The following ANO9 variants were observed in gnomAD, a reference collection of about 807,000 sequenced individuals.
ANO9 encodes anoctamin 9.
A neutral mutation model predicts 100.5 loss-of-function variants in ANO9; 80 were observed. That is an observed-to-expected ratio of 0.80 (90% CI 0.66 to 0.96). The LOEUF (loss-of-function observed/expected upper bound fraction) is 0.96, where lower values mean the gene tolerates loss of function less well. Among genes scored for constraint, ANO9 ranks in the 40% least tolerant of loss-of-function variants. ANO9 has a pLI of 0.00. For missense variants in ANO9, 1,064 were observed against 1,072.7 expected (o/e 0.99, Z 0.11); for synonymous variants, 473 against 435.6 (o/e 1.09, Z -1.07).
intron 15 of ANO9, among the ~76,000 whole-genome samples, chr11:426,216 G>A (rs953031138): frequency 5.9e-5 from 9 of 152,132 alleles, no homozygotes; most frequent in Non-Finnish European, 7.4e-5. Flanking sequence ...TTAAAATGGC[G>A]ACTGCAGGTG....
chr11:438,611 G>A (rs188272071), intron 1 of ANO9, among the ~76,000 whole-genome samples: 203 of 147,326 alleles, frequency 1.4e-3, no homozygotes, highest in African/African-American at 5.0e-3. Context: ...TGTTTACGGA[G>A]CCACACCCAC....
intron 20 of ANO9, 171 bp downstream of exon 20, chr11:419,411 C>T: frequency 7.0e-7 from 1 of 1,427,472 alleles, no homozygotes; most frequent in Non-Finnish European, 9.1e-7. Flanking sequence ...AGCCCAGGGC[C>T]TGCCGTCAGT....
chr11:431,713 G>A lies in ANO9; in HGVS notation c.520C>T (p.Gln174Ter). Residue 174 changes from glutamine to a stop codon, truncating the protein, a stop_gained, in exon 7 of 23, where the codon CAG (glutamine) becomes TAG (stop). Transcript: ENST00000332826. LOFTEE classifies it high-confidence loss of function. ...WARWRHMFRE[Q>*]PVDEIRNYFG... ...CGTTACCTGATTTCATCAACTGGCT[G>A]CTCCCGGAACATGTGTCTCCACCGC... The A allele has an allele frequency of 6.2e-7, 1 of 1,612,544 alleles. No individual in the cohort carries two copies.
At position 441,921 on chromosome 11, in the gene ANO9, C is replaced by T. The variant is rs1272361606; in HGVS notation, c.6G>A (p.Gln2=). Residue 2 remains glutamine, a splice_region_variant and synonymous_variant, in exon 1 of 23, where the codon CAG becomes CAA. Transcript: ENST00000332826. ...GGACCCTTTTGAGCGCAGGACTCAC[C>T]TGCATGCTGGCTGTGGCCGGAGTTC... M[Q]GEESLRILVE... is the part of the protein sequence containing the mutation. 8 of 1,608,264 alleles carry T rather than the reference C, an allele frequency of 5.0e-6. No individual in the cohort carries two copies. The highest frequency in any genetic ancestry group is 1.1e-5 in the South Asian group (1 of 90,620).
chr11:430,247 C>A (rs1032587657), intron 8 of ANO9, 22 bp downstream of exon 8: 1 of 1,554,112 alleles, frequency 6.4e-7, no homozygotes, highest in Non-Finnish European at 8.7e-7. Context: ...GCCCCCCATG[C>A]CCGGCCCCTG....
intron 3 of ANO9, among the ~76,000 whole-genome samples, 171 bp downstream of exon 3, chr11:433,644 C>T (rs1229364530): frequency 6.6e-6 from 1 of 152,130 alleles, no homozygotes; most frequent in African/African-American, 2.4e-5. Flanking sequence ...CCCTGCTTCT[C>T]CCCAATCCTC....
At chr11:438,254 C>T (rs1227932543) in intron 1 of ANO9, among the ~76,000 whole-genome samples, 1 of 151,986 alleles carries the variant, frequency 6.6e-6, no homozygotes, top group East Asian at 1.9e-4. Flanking sequence ...CTGGGGCGTG[C>T]CAGCCCCTGG....
Position 428,934 on chromosome 11 carries a change from C to A in ANO9, c.916-108G>T, listed in dbSNP as rs181700338. The A allele has an allele frequency of 3.8e-6, 4 of 1,049,750 alleles. No homozygotes were observed. In the African/African-American group the frequency reaches 4.8e-5, roughly 12 times the overall value. The allele number at this position is 1,049,750 out of a possible 1,614,324, so 65.0% of individuals were successfully genotyped here. A position where few individuals can be genotyped will look rare whatever the true frequency, so the allele number is the denominator to read the frequency against. ...GTGGACAGACACGGGACACTCACCCCACACATGGGGAGACAGACACGGGAC... is the reference window on the plus strand; with the variant it reads ...GTGGACAGACACGGGACACTCACCCAACACATGGGGAGACAGACACGGGAC... On this transcript the variant is annotated intron_variant, in intron 11 of 22. Transcript: ENST00000332826.
At position 425,754 on chromosome 11, in the gene ANO9, C is replaced by T. The variant is rs1314068710; in HGVS notation, c.1334+2334G>A. On this transcript the variant is annotated intron_variant, in intron 15 of 22. Transcript: ENST00000332826. ...TTTGTTTGTTTTGTTTTTTTTGAGACGGAGTCTCACTCTGTCGCCCAGGCT... is the reference window on the plus strand; with the variant it reads ...TTTGTTTGTTTTGTTTTTTTTGAGATGGAGTCTCACTCTGTCGCCCAGGCT... Among the ~76,000 whole-genome samples the T allele has an allele frequency of 5.3e-5, 8 of 151,162 alleles. No individual in the cohort carries two copies. In the South Asian group the frequency reaches 1.2e-3, roughly 24 times the overall value.
chr11:430,096 C>G lies in ANO9; in HGVS notation c.758G>C (p.Cys253Ser). The change falls in exon 9 of 23, where the codon TGC (cysteine) becomes TCC (serine). Residue 253 changes from cysteine to serine, a missense_variant. Coordinates refer to ENST00000332826, the MANE Select transcript of ANO9 (RefSeq NM_001012302.3). ...SRRYQRLSET[C>S]TFAKLTHLFD... ...GAGGCGACAAACCTTGGCAAAAGTG[C>G]AGGTTTCCGAGAGCCGCTGGTACCT... The G allele has an allele frequency of 6.4e-7, 1 of 1,551,220 alleles. No individual in the cohort carries two copies. Among genetic ancestry groups the G allele is most frequent in the Non-Finnish European group, 8.7e-7 (1 of 1,147,696 alleles).
intron 19 of ANO9, 66 bp from the exon 20 acceptor site, chr11:419,795 A>AC: frequency 6.6e-7 from 1 of 1,518,072 alleles, no homozygotes; most frequent in East Asian, 2.4e-5. Flanking sequence ...CCTCACCCCC[A>AC]CCCCCGGCCA....
In ANO9 at chr11:428,540, C is replaced by A. The variant is rs756941852; in HGVS notation, c.1120G>T (p.Val374Leu). 5 of 1,612,710 alleles carry A rather than the reference C, an allele frequency of 3.1e-6. No individual in the cohort carries two copies. The Middle Eastern group carries it at 8.2e-4, about 266-fold the overall frequency. The part of the protein sequence containing the change: ...SSAVPFLEEQ[V>L]TTAVVVTGAL... ...CCGGTCACCACCACGGCCGTGGTCA[C>A]CTGCTCCTCCAGGAAGGGCACGGCC... The change falls in exon 13 of 23, where the codon GTG (valine) becomes TTG (leucine). Residue 374 changes from valine to leucine, a missense_variant. Val to Leu is a conservative substitution (Grantham distance 32). Coordinates refer to ENST00000332826, the MANE Select transcript of ANO9 (RefSeq NM_001012302.3).
At position 428,320 on chromosome 11, in the gene ANO9, G is replaced by A. The variant is rs770335277; in HGVS notation, c.1222+38C>T. 29 of 1,611,296 alleles carry A rather than the reference G, an allele frequency of 1.8e-5. No individual in the cohort carries two copies. Among genetic ancestry groups the A allele is most frequent in the African/African-American group, 1.3e-4 (10 of 74,812 alleles). On this transcript the variant is annotated intron_variant, in intron 14 of 22. Coordinates refer to ENST00000332826, the MANE Select transcript of ANO9 (RefSeq NM_001012302.3). ...CAAGGCCCCAGCCCTGAGTCCTCCCGCCGGGTCCCCCAAGAGGGTCTGGGG... is the reference window on the plus strand; with the variant it reads ...CAAGGCCCCAGCCCTGAGTCCTCCCACCGGGTCCCCCAAGAGGGTCTGGGG...
In ANO9 at chr11:418,789, G is replaced by A. The variant is rs371132860; in HGVS notation, c.2061C>T (p.Pro687=). The part of the protein sequence containing the change: ...LCRYRDYRNP[P]DYNFSEQFWF... ...AGAACTGCTCGGAGAAGTTGTAATCGGGGGGATTGCGGTAGTCCCTGTATC... is the reference window on the plus strand; with the variant it reads ...AGAACTGCTCGGAGAAGTTGTAATCAGGGGGATTGCGGTAGTCCCTGTATC... Residue 687 remains proline (P), a synonymous_variant, in exon 22 of 23, where the codon CCC becomes CCT. Coordinates refer to ENST00000332826, the MANE Select transcript of ANO9 (RefSeq NM_001012302.3). The A allele has an allele frequency of 1.2e-4, 196 of 1,613,206 alleles. No homozygotes were observed. Among genetic ancestry groups the A allele is most frequent in the Admixed American group, 6.3e-4 (38 of 60,000 alleles).
chr11:439,539 G>T (rs1845687619), intron 1 of ANO9, among the ~76,000 whole-genome samples: 1 of 152,084 alleles, frequency 6.6e-6, no homozygotes, highest in African/African-American at 2.4e-5. Flanking sequence ...TGGCCAGGGG[G>T]TCCCACGACG....
At chr11:440,222 G>A (rs1845753344) in intron 1 of ANO9, among the ~76,000 whole-genome samples, 2 of 152,132 alleles carry the variant, frequency 1.3e-5, no homozygotes, top group Admixed American at 1.3e-4. Context: ...CTGAGTCCAG[G>A]GACTCAGTCC....
In ANO9 at chr11:432,185, AC is replaced by A; in HGVS notation, c.351-132del. The A allele has an allele frequency of 2.0e-6, 2 of 990,540 alleles. No individual in the cohort carries two copies. Among genetic ancestry groups the A allele is most frequent in the Non-Finnish European group, 3.0e-6 (2 of 668,596 alleles). The allele number at this position is 990,540 out of a possible 1,614,324, so 61.4% of individuals were successfully genotyped here. ...CAGAGCCCCCAGCCTGCCAGCCCTG[AC>A]CAGAGCCCAGAATCCACAACTCACC... On this transcript the variant is annotated intron_variant, in intron 4 of 22. Coordinates refer to ENST00000332826, the MANE Select transcript of ANO9 (RefSeq NM_001012302.3). The surrounding 1 kb of genome is among the most constrained non-coding windows in gnomAD (Gnocchi z 4.8).
chr11:419,096 G>A (rs1228268013), intron 20 of ANO9, 107 bp from the exon 21 acceptor site: 1 of 1,559,658 alleles, frequency 6.4e-7, no homozygotes, highest in Non-Finnish European at 8.7e-7. Flanking sequence ...TGAGGTGGGG[G>A]CCACGCCACA....
At position 431,876 on chromosome 11, in the gene ANO9, A is replaced by AT; in HGVS notation, c.436_437insA (p.Val146AspfsTer3). 6.2e-7 allele frequency: 1 copy of AT among 1,609,366 alleles called. No homozygotes were observed. The highest frequency in any genetic ancestry group is 8.5e-7 in the Non-Finnish European group (1 of 1,177,760). ...GTGCAGGGGGAACCTGGCCTCAAAG[A>AT]CCCCGTCCTTCATCAGATCCTCGAA... On this transcript the variant is annotated frameshift_variant, in exon 6 of 23. Coordinates refer to ENST00000332826, the MANE Select transcript of ANO9 (RefSeq NM_001012302.3). LOFTEE classifies it high-confidence loss of function.
Sources: allele counts gnomAD v4.1 joint callset (sites outside exome capture counted in the v4.1 genomes callset), GRCh38; gene constraint gnomAD v4.1.1; non-coding constraint Gnocchi (gnomAD v3.1); transcripts MANE v1.5; gene names NCBI Gene and HGNC (gene_info 2026-07-23, HGNC 2026-07-21).